SLIT1: variants seen among roughly 807,000 people sequenced by gnomAD.
SLIT1 encodes the protein slit guidance ligand 1.
SLIT1 carries 66 observed loss-of-function variants against 186.1 expected under a neutral mutation model. The ratio of observed to expected loss-of-function variants is 0.35; its 90% CI spans 0.29 to 0.44. SLIT1 has a LOEUF of 0.44. Ranked by LOEUF, SLIT1 falls within the 20% of genes least tolerant of loss-of-function variation. SLIT1 has a pLI of 1.00. For synonymous variants in SLIT1, 761 were observed against 833.8 expected (o/e 0.91, Z 1.50); for missense variants, 1,638 against 2,037.4 (o/e 0.80, Z 3.77).
intron 11 of SLIT1, among the ~76,000 whole-genome samples, chr10:97,059,176 T>G (rs1421955025): frequency 6.6e-6 from 1 of 152,226 alleles, no homozygotes; most frequent in Non-Finnish European, 1.5e-5. Flanking sequence ...AAATCCTCAC[T>G]GTGGCAGGGA....
intron 4 of SLIT1, among the ~76,000 whole-genome samples, chr10:97,132,954 G>A (rs1034953256): frequency 5.9e-5 from 9 of 152,112 alleles, no homozygotes; most frequent in Admixed American, 3.9e-4. Context: ...GATCACTGGC[G>A]GCCCCACGTC....
Position 97,184,676 on chromosome 10 carries a change from G to C in SLIT1, c.197+802C>G, listed in dbSNP as rs999116430. 6.6e-6 allele frequency among the ~76,000 whole-genome samples: 1 copy of C among 152,146 alleles called. No homozygotes were observed. Among genetic ancestry groups the C allele is most frequent in the Admixed American group, 6.5e-5 (1 of 15,270 alleles). On this transcript the variant is annotated intron_variant, in intron 1 of 36. Coordinates refer to ENST00000266058, the MANE Select transcript of SLIT1 (RefSeq NM_003061.3). The surrounding 1 kb of genome is among the most constrained non-coding windows in gnomAD (Gnocchi z 4.4). ...GAATTCACAAGTGAGACAGAACAGG[G>C]GAAGAGAAATGCTATTTTTTTATTA...
At chr10:97,159,724 C>T (rs1850001232) in intron 3 of SLIT1, among the ~76,000 whole-genome samples, 1 of 152,108 alleles carries the variant, frequency 6.6e-6, no homozygotes, top group Admixed American at 6.5e-5. Flanking sequence ...GGGGCAAATG[C>T]ATTAGGGGCA....
intron 22 of SLIT1, 147 bp from the exon 23 acceptor site, chr10:97,034,689 C>A: frequency 1.5e-6 from 1 of 677,070 alleles, no homozygotes. Flanking sequence ...TGCACAGCCT[C>A]GGGTCTCAGC....
At chr10:97,110,853 G>T (rs1299618010) in intron 4 of SLIT1, among the ~76,000 whole-genome samples, 1 of 152,140 alleles carries the variant, frequency 6.6e-6, no homozygotes, top group African/African-American at 2.4e-5. Flanking sequence ...TATACATCAA[G>T]ACACATTCTA....
chr10:97,063,358 G>A (rs1848911134), intron 8 of SLIT1, 97 bp downstream of exon 8: 5 of 1,372,694 alleles, frequency 3.6e-6, no homozygotes, highest in Non-Finnish European at 5.2e-6. Flanking sequence ...AGGAGGTGAT[G>A]GGCAGGCCAG....
At chr10:97,045,062 G>A (rs142611061) in intron 18 of SLIT1, among the ~76,000 whole-genome samples, 284 of 152,250 alleles carry the variant, frequency 1.9e-3, no homozygotes, top group Non-Finnish European at 3.3e-3. Context: ...CCCAGAAGAG[G>A]GCCCTCGCCA....
rs180800780 is a variant in SLIT1, at chr10:96,998,337, G to T, written c.*2775C>A. The T allele has an allele frequency of 6.6e-6, 1 of 152,180 alleles. No homozygotes were observed. 9.4% of individuals were successfully genotyped at this position (152,180 alleles called of 1,614,324 possible). On this transcript the variant is annotated 3_prime_UTR_variant, in exon 37 of 37. Coordinates refer to ENST00000266058, the MANE Select transcript of SLIT1 (RefSeq NM_003061.3). ...ATTCTGTATAAAGAGATACTTTTGC[G>T]GTTAGGCTACCAGCAGGCAAAGAGG...
chr10:97,034,650 G>C (rs959747068), intron 22 of SLIT1, 108 bp from the exon 23 acceptor site: 48 of 998,526 alleles, frequency 4.8e-5, no homozygotes, highest in Non-Finnish European at 6.3e-6. Flanking sequence ...TCCCCAGCCA[G>C]GTTGGCCAGG....
chr10:97,079,812 C>T (rs929235622), intron 4 of SLIT1, among the ~76,000 whole-genome samples: 3 of 152,146 alleles, frequency 2.0e-5, no homozygotes, highest in African/African-American at 7.2e-5. Flanking sequence ...ACAGCAATAC[C>T]GGTTCAGGTT....
intron 26 of SLIT1, among the ~76,000 whole-genome samples, chr10:97,019,369 A>C (rs1289070365): frequency 6.6e-6 from 1 of 152,202 alleles, no homozygotes; most frequent in Non-Finnish European, 1.5e-5. Context: ...CATGCTTGGC[A>C]GGCAGGCGGG....
At chr10:97,128,095 G>T (rs371443071) in intron 4 of SLIT1, among the ~76,000 whole-genome samples, 1 of 151,432 alleles carries the variant, frequency 6.6e-6, no homozygotes, top group African/African-American at 2.4e-5. Flanking sequence ...TTGCATTGAC[G>T]CCTTCTTCCC....
chr10:97,084,916 T>G (rs547492832), intron 4 of SLIT1, among the ~76,000 whole-genome samples: 2 of 144,040 alleles, frequency 1.4e-5, no homozygotes, highest in East Asian at 4.2e-4. Context: ...CACTGTTACT[T>G]TTCTTTCCTT....
At chr10:97,089,110 C>T (rs189026055) in intron 4 of SLIT1, among the ~76,000 whole-genome samples, 80 of 152,280 alleles carry the variant, frequency 5.3e-4, no homozygotes, top group East Asian at 3.7e-3. Flanking sequence ...AGTGCCACCA[C>T]AGTGCAGCAT....
At position 97,147,729 on chromosome 10, in the gene SLIT1, T is replaced by C. The variant is rs552379354; in HGVS notation, c.413+10089A>G. Among the ~76,000 whole-genome samples the C allele has an allele frequency of 1.2e-4, 19 of 152,308 alleles. No individual in the cohort carries two copies. In the South Asian group the frequency reaches 3.9e-3, roughly 32 times the overall value. ...AATACTCCATGGCTTCCTCTTCCTA[T>C]TACCCATCCAAACTCTTCATTCTAG... is the stretch of plus-strand genomic sequence containing the variant. On this transcript the variant is annotated intron_variant, in intron 4 of 36. Transcript: ENST00000266058.
chr10:97,167,081 A>G (rs12767098), intron 1 of SLIT1, among the ~76,000 whole-genome samples: 28,111 of 152,120 alleles, frequency 0.18, 2,724 homozygotes, highest in African/African-American at 0.21. Context: ...AGGATCTCTC[A>G]GAGGGGCCTG....
In SLIT1 at chr10:97,166,623, G is replaced by GAAAGAAAGAAAGAAAGAGAAA. The variant is rs3979552; in HGVS notation, c.198-1734_198-1733insTTTCTCTTTCTTTCTTTCTTT. On this transcript the variant is annotated intron_variant, in intron 1 of 36. Transcript: ENST00000266058. Reference sequence around the variant, plus strand: ...AGAAAGAAAGAAAGAAAGAAAGAAAGAGAAAAGAAAAGAAAAGAAAGGAAA... The same window carrying GAAAGAAAGAAAGAAAGAGAAA: ...AGAAAGAAAGAAAGAAAGAAAGAAAGAAAGAAAGAAAGAAAGAGAAAAGAAAAGAAAAGAAAAGAAAGGAAA... 4.9e-3 allele frequency among the ~76,000 whole-genome samples: 209 copies of GAAAGAAAGAAAGAAAGAGAAA among 42,572 alleles called. 2 individuals are homozygous for GAAAGAAAGAAAGAAAGAGAAA. Among genetic ancestry groups the GAAAGAAAGAAAGAAAGAGAAA allele is most frequent in the African/African-American group, 6.1e-3 (64 of 10,432 alleles). 27.9% of individuals were successfully genotyped at this position (42,572 alleles called of 152,430 possible). A position where few individuals can be genotyped will look rare whatever the true frequency, so the allele number is the denominator to read the frequency against.
intron 4 of SLIT1, among the ~76,000 whole-genome samples, chr10:97,117,707 A>G (rs1279879384): frequency 6.6e-6 from 1 of 152,226 alleles, no homozygotes; most frequent in Non-Finnish European, 1.5e-5. Flanking sequence ...TCACTCAGTT[A>G]CCAGCAACTA....
At chr10:97,148,242 A>C (rs1008593219) in intron 4 of SLIT1, among the ~76,000 whole-genome samples, 46 of 152,218 alleles carry the variant, frequency 3.0e-4, no homozygotes, top group Non-Finnish European at 4.3e-4. Flanking sequence ...AGTGCTTAAC[A>C]AACAGTAACT....
Sources: allele counts gnomAD v4.1 joint callset (sites outside exome capture counted in the v4.1 genomes callset), GRCh38; gene constraint gnomAD v4.1.1; non-coding constraint Gnocchi (gnomAD v3.1); transcripts MANE v1.5; gene names NCBI Gene and HGNC (gene_info 2026-07-23, HGNC 2026-07-21).